Variants in CA10 observed in about 807,000 individuals in gnomAD.
CA10 encodes carbonic anhydrase-related protein 10.
CA10 carries 14 observed loss-of-function variants against 44.2 expected under a neutral mutation model. That is an observed-to-expected ratio of 0.32 (90% CI 0.21 to 0.50). The LOEUF is 0.50. Ranked by LOEUF, CA10 falls within the 20% of genes least tolerant of loss-of-function variation. The pLI is 0.99. For synonymous variants in CA10, 159 were observed against 141.6 expected, an observed-to-expected ratio of 1.12 and a Z score of -0.87; for missense variants, 350 against 409.7, an observed-to-expected ratio of 0.85 and a Z score of 1.26.
chr17:51,812,352 G>T (rs1221626112), intron 3 of CA10, among the ~76,000 whole-genome samples: 8 of 152,162 alleles, frequency 5.3e-5, no homozygotes, highest in Non-Finnish European at 2.9e-5. Flanking sequence ...GGTAGAGATA[G>T]CATAAAATGG....
intron 1 of CA10, among the ~76,000 whole-genome samples, chr17:52,138,041 G>GA (rs1175475385): frequency 3.9e-5 from 6 of 152,130 alleles, no homozygotes; most frequent in Admixed American, 3.9e-4. Context: ...TACAGTTCTG[G>GA]AGCTCAGAAA....
In CA10 at chr17:51,937,977, G is replaced by A. The variant is rs562555380; in HGVS notation, c.137-6845C>T. On this transcript the variant is annotated intron_variant, in intron 2 of 8. Coordinates refer to ENST00000451037, the MANE Select transcript of CA10 (RefSeq NM_020178.5). ...CTAACAACTAAGATGGATTATCACC[G>A]GAATGCCAACTATTATACAGGGAAA... 9.9e-5 allele frequency among the ~76,000 whole-genome samples: 15 copies of A among 152,154 alleles called. No homozygotes were observed. The East Asian group carries it at 1.9e-3, about 20-fold the overall frequency.
chr17:51,777,596 A>G (rs1030178559), intron 3 of CA10, among the ~76,000 whole-genome samples: 7 of 152,178 alleles, frequency 4.6e-5, no homozygotes, highest in African/African-American at 1.7e-4. Flanking sequence ...CTTAAATATT[A>G]TAGCATAGCT....
At chr17:51,966,709 A>G (rs761821800) in intron 2 of CA10, among the ~76,000 whole-genome samples, 1 of 151,934 alleles carries the variant, frequency 6.6e-6, no homozygotes, top group Non-Finnish European at 1.5e-5. Context: ...TTAATTCAGA[A>G]TGAATTAAAG....
At chr17:52,039,657 C>A (rs1008822396) in intron 2 of CA10, among the ~76,000 whole-genome samples, 19 of 152,066 alleles carry the variant, frequency 1.2e-4, no homozygotes, top group African/African-American at 4.3e-4. Flanking sequence ...AAATCAATTT[C>A]TTTGTCATGG....
intron 3 of CA10, among the ~76,000 whole-genome samples, chr17:51,848,541 A>C (rs989301014): frequency 3.9e-5 from 6 of 152,234 alleles, no homozygotes; most frequent in African/African-American, 1.4e-4. Context: ...AAGCAAACAA[A>C]CATGTGCCAT....
At chr17:51,888,060 A>C (rs887420016) in intron 3 of CA10, among the ~76,000 whole-genome samples, 2 of 151,870 alleles carry the variant, frequency 1.3e-5, no homozygotes, top group African/African-American at 2.4e-5. Context: ...AAAACAAAAA[A>C]AACTGTGTGT....
intron 3 of CA10, among the ~76,000 whole-genome samples, chr17:51,924,489 A>C (rs1020817202): frequency 6.6e-6 from 1 of 152,150 alleles, no homozygotes; most frequent in African/African-American, 2.4e-5. Flanking sequence ...TTCCATGTAG[A>C]TACACCTATA....
chr17:51,977,893 A>T lies in CA10; in HGVS notation c.137-46761T>A, dbSNP rs546372836. ...CGGATTCTATATACCGGCAATAAAC[A>T]TTTGAAAAATAAAAACAAAAATGTC... On this transcript the variant is annotated intron_variant, in intron 2 of 8. Transcript: ENST00000451037. 7.5e-4 allele frequency among the ~76,000 whole-genome samples: 114 copies of T among 152,252 alleles called. 1 individual carries two copies. Among genetic ancestry groups the T allele is most frequent in the African/African-American group, 2.5e-3 (102 of 41,578 alleles).
At chr17:51,689,054 G>A (rs1007447237) in intron 4 of CA10, among the ~76,000 whole-genome samples, 2 of 152,140 alleles carry the variant, frequency 1.3e-5, no homozygotes, top group African/African-American at 4.8e-5. Context: ...ATTAAAACCT[G>A]GGCGTTTCAG....
chr17:51,857,008 G>A (rs1979076804), intron 3 of CA10, among the ~76,000 whole-genome samples: 1 of 152,152 alleles, frequency 6.6e-6, no homozygotes, highest in Non-Finnish European at 1.5e-5. Context: ...CAAACAGGGA[G>A]GTTGATCTTA....
intron 4 of CA10, among the ~76,000 whole-genome samples, chr17:51,694,876 G>C (rs1025618789): frequency 1.3e-5 from 2 of 152,108 alleles, no homozygotes; most frequent in Non-Finnish European, 1.5e-5. Flanking sequence ...TCCGCATATG[G>C]CTAGCTGGCT....
At chr17:52,114,189 C>T (rs1436641216) in intron 1 of CA10, among the ~76,000 whole-genome samples, 1 of 152,190 alleles carries the variant, frequency 6.6e-6, no homozygotes, top group African/African-American at 2.4e-5. Flanking sequence ...ACCCTTATTT[C>T]CTAGATGTTT....
At chr17:51,659,324 A>T (rs1246877239) in intron 4 of CA10, among the ~76,000 whole-genome samples, 2 of 151,808 alleles carry the variant, frequency 1.3e-5, no homozygotes, top group East Asian at 1.9e-4. Flanking sequence ...ACTAGCGACC[A>T]CCTCTCTCCC....
At chr17:51,734,686 C>A (rs1404970687) in intron 4 of CA10, among the ~76,000 whole-genome samples, 1 of 152,060 alleles carries the variant, frequency 6.6e-6, no homozygotes, top group Non-Finnish European at 1.5e-5. Context: ...AATGGGAGGG[C>A]GATTCCTTGC....
intron 4 of CA10, among the ~76,000 whole-genome samples, chr17:51,726,040 G>A (rs1916508960): frequency 6.6e-6 from 1 of 152,138 alleles, no homozygotes; most frequent in South Asian, 2.1e-4. Flanking sequence ...TCATAGCTCA[G>A]GTGCACATTT....
At chr17:51,830,387 T>G (rs1297342801) in intron 3 of CA10, among the ~76,000 whole-genome samples, 1 of 151,942 alleles carries the variant, frequency 6.6e-6, no homozygotes, top group Non-Finnish European at 1.5e-5. Flanking sequence ...TTTCTCTCTC[T>G]CTCAGATGTA....
intron 3 of CA10, among the ~76,000 whole-genome samples, chr17:51,789,214 C>G (rs992376243): frequency 7.2e-5 from 11 of 152,138 alleles, no homozygotes; most frequent in African/African-American, 2.7e-4. Flanking sequence ...GGGGGTTTCA[C>G]CACGTTGGTC....
At chr17:51,845,896 C>G (rs1978472853) in intron 3 of CA10, among the ~76,000 whole-genome samples, 1 of 152,154 alleles carries the variant, frequency 6.6e-6, no homozygotes, top group South Asian at 2.1e-4. Context: ...CTCATATTCC[C>G]TTGAGAAATG....
Sources: allele counts gnomAD v4.1 joint callset (sites outside exome capture counted in the v4.1 genomes callset), GRCh38; gene constraint gnomAD v4.1.1; transcripts MANE v1.5; gene names NCBI Gene and HGNC (gene_info 2026-07-23, HGNC 2026-07-21).